The following PRR33 variants were observed in gnomAD, a reference collection of about 807,000 sequenced individuals.
The protein encoded by PRR33 is proline rich 33.
Under a neutral mutation model 0.5 loss-of-function variants are expected in PRR33, and 1 was observed. That is an observed-to-expected ratio of 2.18 (90% CI 0.77 to 10.34). PRR33 has a LOEUF of 10.34. Ranked by LOEUF, PRR33 falls within the 30% of genes most tolerant of loss-of-function variation. The probability of loss-of-function intolerance (pLI) is 0.13; values close to 1 mark genes in which losing one functional copy is unlikely to be tolerated. For synonymous variants in PRR33, 226 were observed against 110.0 expected (o/e 2.06, Z -6.60); for missense variants, 552 against 251.8 (o/e 2.19, Z -8.07).
chr11:1,915,373 G>A, the PRR33 span, among the ~76,000 whole-genome samples: 3 of 147,088 alleles, frequency 2.0e-5, no homozygotes, highest in Admixed American at 1.3e-4. Flanking sequence ...GGTCACACAC[G>A]TGGGATGATG....
chr11:1,908,424 C>G, the PRR33 span, among the ~76,000 whole-genome samples: 1 of 150,822 alleles, frequency 6.6e-6, no homozygotes, highest in South Asian at 2.1e-4. Flanking sequence ...AACTCCCTAC[C>G]CATTTTTTTT....
At chr11:1,914,772 G>C in the PRR33 span, among the ~76,000 whole-genome samples, 8 of 147,946 alleles carry the variant, frequency 5.4e-5, no homozygotes, top group Admixed American at 2.7e-4. Flanking sequence ...CTGTGTCTTT[G>C]TGTGTGTGGG....
the PRR33 span, among the ~76,000 whole-genome samples, chr11:1,901,321 A>C: frequency 2.0e-5 from 3 of 152,130 alleles, no homozygotes; most frequent in Non-Finnish European, 4.4e-5. Context: ...TCTAAAAAAA[A>C]AAAAAGGCAA....
the PRR33 span, among the ~76,000 whole-genome samples, chr11:1,911,877 G>A: frequency 2.0e-5 from 3 of 151,630 alleles, no homozygotes; most frequent in East Asian, 1.9e-4. Context: ...AAGAACCCCC[G>A]AGGCCGGGAA....
chr11:1,913,405 C>T, the PRR33 span, among the ~76,000 whole-genome samples: 1 of 152,050 alleles, frequency 6.6e-6, no homozygotes, highest in Non-Finnish European at 1.5e-5. Flanking sequence ...CTCAGCCTCC[C>T]AAAGTCCTGG....
chr11:1,913,460 T>G, the PRR33 span, among the ~76,000 whole-genome samples: 1 of 152,180 alleles, frequency 6.6e-6, no homozygotes, highest in Non-Finnish European at 1.5e-5. Context: ...CTTTCTGATA[T>G]AAGCATCCAG....
At chr11:1,908,876 G>GT in the PRR33 span, among the ~76,000 whole-genome samples, 2 of 152,192 alleles carry the variant, frequency 1.3e-5, no homozygotes, top group Non-Finnish European at 2.9e-5. Flanking sequence ...GAACGCCTTA[G>GT]TGTTCCCCCA....
exon 1 of PRR33, among the ~76,000 whole-genome samples, chr11:1,888,180 C>G (rs966398050): frequency 6.6e-6 from 1 of 152,132 alleles, no homozygotes; most frequent in Non-Finnish European, 1.5e-5. Flanking sequence ...ACCATCTTCC[C>G]CTGCCAAACC....
chr11:1,916,676 C>T, the PRR33 span, among the ~76,000 whole-genome samples: 1 of 152,140 alleles, frequency 6.6e-6, no homozygotes, highest in African/African-American at 2.4e-5. Flanking sequence ...ACCCCGCCCC[C>T]GACCAGCCCT....
chr11:1,912,992 C>T, the PRR33 span, among the ~76,000 whole-genome samples: 1 of 152,050 alleles, frequency 6.6e-6, no homozygotes, highest in Admixed American at 6.6e-5. Flanking sequence ...TTATTATTTC[C>T]ATTGCTTTCT....
chr11:1,902,257 A>G, the PRR33 span, among the ~76,000 whole-genome samples: 1 of 150,622 alleles, frequency 6.6e-6, no homozygotes, highest in African/African-American at 2.4e-5. Context: ...ACACACAATT[A>G]CTTTCACACC....
the PRR33 span, among the ~76,000 whole-genome samples, chr11:1,909,603 G>A: frequency 6.6e-6 from 1 of 151,936 alleles, no homozygotes; most frequent in Non-Finnish European, 1.5e-5. Context: ...ACAAGACTCC[G>A]TCTCAAAAAC....
chr11:1,890,144 C>A (rs1240297553), exon 1 of PRR33: 1 of 717,070 alleles, frequency 1.4e-6, no homozygotes. Context: ...GCCCCATGGC[C>A]CTGAATTGAG....
At chr11:1,908,301 T>A in the PRR33 span, among the ~76,000 whole-genome samples, 4 of 152,014 alleles carry the variant, frequency 2.6e-5, no homozygotes, top group African/African-American at 9.6e-5. Flanking sequence ...TTTTGCCAAG[T>A]ATCTCCCCAC....
chr11:1,889,692 G>C, exon 1 of PRR33: 1 of 637,740 alleles, frequency 1.6e-6, no homozygotes, highest in Non-Finnish European at 2.9e-6. Context: ...GCCAGCCATC[G>C]GGGGCTCCTC....
At chr11:1,888,781 T>G in exon 1 of PRR33, 1 of 213,194 alleles carries the variant, frequency 4.7e-6, no homozygotes, top group Non-Finnish European at 9.2e-6. Context: ...GGAGGATCAG[T>G]GAGAGGCCCA....
the PRR33 span, among the ~76,000 whole-genome samples, chr11:1,915,495 TTGTG>T: frequency 7.4e-6 from 1 of 134,564 alleles, no homozygotes; most frequent in African/African-American, 2.8e-5. Context: ...TGATGTTTCT[TTGTG>T]TGTGTTGTGG....
At chr11:1,888,694 C>G (rs1170040592) in exon 1 of PRR33, 1 of 156,936 alleles carries the variant, frequency 6.4e-6, no homozygotes, top group Non-Finnish European at 1.4e-5. Flanking sequence ...GATGGCCAAG[C>G]CAGCCTGACC....
exon 1 of PRR33, chr11:1,889,889 G>A: frequency 4.8e-6 from 3 of 627,254 alleles, no homozygotes; most frequent in Non-Finnish European, 8.8e-6. Context: ...GGACTGTGGT[G>A]GGCAGTGGGC....
Sources: gnomAD v4.1 joint callset for allele counts (sites outside exome capture counted in the v4.1 genomes callset) on GRCh38, gnomAD v4.1.1 for gene constraint, MANE v1.5 for transcripts, NCBI Gene and HGNC (gene_info 2026-07-23, HGNC 2026-07-21) for gene names.